AFG2A: variants seen among roughly 807,000 people sequenced by gnomAD.
AFG2A encodes the protein AAA ATPase AFG2A.
chr4:122,965,205 T>C, the AFG2A span, among the ~76,000 whole-genome samples: 10 of 152,294 alleles, frequency 6.6e-5, no homozygotes, highest in Non-Finnish European at 1.3e-4. Context: ...CTCTGATCAG[T>C]TTAATTTTAT....
At chr4:123,067,166 G>A in the AFG2A span, among the ~76,000 whole-genome samples, 12 of 152,182 alleles carry the variant, frequency 7.9e-5, no homozygotes, top group East Asian at 2.3e-3. Flanking sequence ...GTATATGTTG[G>A]CTAGCCTTCT....
chr4:123,063,340 A>T, the AFG2A span, among the ~76,000 whole-genome samples: 7 of 152,228 alleles, frequency 4.6e-5, no homozygotes, highest in African/African-American at 1.4e-4. Context: ...TTTCTATGTA[A>T]TATTAGGCTG....
At chr4:123,197,535 C>T in the AFG2A span, among the ~76,000 whole-genome samples, 5 of 151,718 alleles carry the variant, frequency 3.3e-5, no homozygotes, top group Non-Finnish European at 5.9e-5. Flanking sequence ...TTTGGGAGGC[C>T]GAGATGGGCA....
chr4:123,163,713 C>A, the AFG2A span, among the ~76,000 whole-genome samples: 1 of 152,136 alleles, frequency 6.6e-6, no homozygotes, highest in African/African-American at 2.4e-5. Context: ...TTTGAACATC[C>A]AAACCCCAGG....
chr4:123,159,033 A>G, the AFG2A span, among the ~76,000 whole-genome samples: 1 of 152,224 alleles, frequency 6.6e-6, no homozygotes, highest in African/African-American at 2.4e-5. Flanking sequence ...AACATGGATT[A>G]GAGAGTGTTT....
chr4:123,199,067 T>C, the AFG2A span, among the ~76,000 whole-genome samples: 21 of 152,230 alleles, frequency 1.4e-4, no homozygotes, highest in African/African-American at 4.3e-4. Flanking sequence ...TCTGGGGAAG[T>C]GAATCTAAGT....
At chr4:123,054,724 A>T in the AFG2A span, among the ~76,000 whole-genome samples, 4 of 152,158 alleles carry the variant, frequency 2.6e-5, no homozygotes, top group Non-Finnish European at 4.4e-5. Flanking sequence ...TCTCAAAAAA[A>T]AAATTAGTAA....
chr4:123,047,057 T>C, the AFG2A span, among the ~76,000 whole-genome samples: 2 of 152,180 alleles, frequency 1.3e-5, no homozygotes, highest in Admixed American at 6.5e-5. Context: ...ACAATAGACA[T>C]AGGAGTGCAG....
the AFG2A span, among the ~76,000 whole-genome samples, chr4:123,177,565 A>G: frequency 1.3e-5 from 2 of 152,170 alleles, no homozygotes; most frequent in African/African-American, 2.4e-5. Context: ...TAGTCCTCTT[A>G]TCAGTGATTT....
the AFG2A span, among the ~76,000 whole-genome samples, chr4:123,128,415 A>G: frequency 2.0e-5 from 3 of 152,112 alleles, no homozygotes; most frequent in Non-Finnish European, 2.9e-5. Context: ...ACTTTTTCTG[A>G]TACTTGAGTC....
chr4:123,299,541 G>T, the AFG2A span, among the ~76,000 whole-genome samples: 1 of 152,162 alleles, frequency 6.6e-6, no homozygotes, highest in African/African-American at 2.4e-5. Context: ...CATTGACTAA[G>T]ATTGCAAAAT....
At chr4:123,104,155 T>A in the AFG2A span, among the ~76,000 whole-genome samples, 1 of 152,182 alleles carries the variant, frequency 6.6e-6, no homozygotes, top group African/African-American at 2.4e-5. Context: ...TTGGTGCCAT[T>A]TTTCCAACAG....
At chr4:122,995,223 A>T in the AFG2A span, among the ~76,000 whole-genome samples, 1 of 152,136 alleles carries the variant, frequency 6.6e-6, no homozygotes, top group Non-Finnish European at 1.5e-5. Context: ...ATTAAATAAA[A>T]GATTGCTTTT....
chr4:122,930,952 A>AAATCT, the AFG2A span, among the ~76,000 whole-genome samples: 108,195 of 152,050 alleles, frequency 0.71, 43,206 homozygotes, highest in East Asian at 0.95. Flanking sequence ...TATGTTTTAA[A>AAATCT]TGTGGCAGCA....
chr4:123,037,488 G>A, the AFG2A span, among the ~76,000 whole-genome samples: 3 of 152,140 alleles, frequency 2.0e-5, no homozygotes, highest in African/African-American at 7.2e-5. Context: ...TATCTAGGAG[G>A]TAAAATATGT....
chr4:122,979,086 C>A, the AFG2A span: 1 of 898,192 alleles, frequency 1.1e-6, no homozygotes, highest in Non-Finnish European at 1.6e-6. Flanking sequence ...CCACTGGCTT[C>A]GTGGAGTATG....
chr4:122,995,369 C>T, the AFG2A span, among the ~76,000 whole-genome samples: 2 of 151,972 alleles, frequency 1.3e-5, no homozygotes, highest in African/African-American at 4.8e-5. Flanking sequence ...TCCCAAGATC[C>T]CAGTCTTTCT....
the AFG2A span, among the ~76,000 whole-genome samples, chr4:123,077,715 C>T: frequency 6.6e-6 from 1 of 152,156 alleles, no homozygotes; most frequent in Admixed American, 6.5e-5. Context: ...CTGCCCTTTG[C>T]CCCTGAGGGA....
the AFG2A span, among the ~76,000 whole-genome samples, chr4:123,121,254 A>AT: frequency 1.3e-5 from 1 of 78,668 alleles, no homozygotes; most frequent in South Asian, 4.1e-4. Context: ...AAAGTAAAAA[A>AT]AAAAAATAAT....
Sources: allele counts gnomAD v4.1 joint callset (sites outside exome capture counted in the v4.1 genomes callset), GRCh38; gene constraint gnomAD v4.1.1; transcripts MANE v1.5; gene names NCBI Gene and HGNC (gene_info 2026-07-23, HGNC 2026-07-21).